The following ECE1 variants were observed in gnomAD, a reference collection of about 807,000 sequenced individuals.
ECE1 encodes the protein endothelin-converting enzyme 1.
A neutral mutation model predicts 98.6 loss-of-function variants in ECE1; 35 were observed. The observed-to-expected ratio is 0.35, with a 90% CI of 0.27 to 0.47. ECE1 has a LOEUF of 0.47. Ranked by LOEUF, ECE1 falls within the 20% of genes least tolerant of loss-of-function variation. The probability of loss-of-function intolerance (pLI) is 1.00; values close to 1 mark genes in which losing one functional copy is unlikely to be tolerated. For synonymous variants in ECE1, 394 were observed against 407.1 expected (o/e 0.97, Z 0.39); for missense variants, 814 against 1,025.3 (o/e 0.79, Z 2.81).
intron 1 of ECE1, among the ~76,000 whole-genome samples, chr1:21,342,941 A>C (rs1639430304): frequency 6.6e-6 from 1 of 152,152 alleles, no homozygotes; most frequent in South Asian, 2.1e-4. Flanking sequence ...TGGCCCCAGC[A>C]ACCTTTTTGC....
rs377063170 is a variant in ECE1 at position 21,328,072 on chromosome 1, C to T, written c.3+17304G>A. 1.2e-4 allele frequency among the ~76,000 whole-genome samples: 18 copies of T among 152,290 alleles called. No individual in the cohort carries two copies. In the South Asian group the frequency reaches 3.7e-3, roughly 32 times the overall value. On this transcript the variant is annotated intron_variant, in intron 1 of 18. Transcript: ENST00000415912. ...ACCCTGTCCATGGAAAAATTGTCTT[C>T]CACGAAGCCTGGCACCAAAAAGGTT... is the stretch of plus-strand genomic sequence containing the variant.
rs1558411227 is a variant in ECE1 at position 21,281,595 on chromosome 1, C to T, written c.139-2263G>A. Among the ~76,000 whole-genome samples, 3 of 152,280 alleles carry T rather than the reference C, an allele frequency of 2.0e-5. No homozygotes were observed. The East Asian group carries it at 5.8e-4, about 29-fold the overall frequency. On this transcript the variant is annotated intron_variant, in intron 2 of 18. Transcript: ENST00000374893. ...GACACTGACGTATGTGTCCTGCTGC[C>T]CCTAATTTGTTTCATCCTTCCTCCT...
In ECE1 at chr1:21,233,684, A is replaced by T. The variant is rs766701455; in HGVS notation, c.1567-23T>A. 6.2e-7 allele frequency: 1 copy of T among 1,606,666 alleles called. No individual in the cohort carries two copies. Among genetic ancestry groups the T allele is most frequent in the Admixed American group, 1.7e-5 (1 of 59,948 alleles). ...GTACTAGAAAAGAAGAAGTGGAGTC[A>T]ATCACAGTGTGCCCTCGGTGGTGTG... On this transcript the variant is annotated intron_variant, in intron 13 of 18. Transcript: ENST00000374893. The surrounding 1 kb of genome is among the most constrained non-coding windows in gnomAD (Gnocchi z 4.0).
At chr1:21,320,453 G>A (rs1051460160) in intron 1 of ECE1, among the ~76,000 whole-genome samples, 1 of 152,314 alleles carries the variant, frequency 6.6e-6, no homozygotes, top group South Asian at 2.1e-4. Flanking sequence ...ATGAGTAATT[G>A]AAGAGTTTGG....
At chr1:21,289,059 T>C (rs1275230232) in intron 2 of ECE1, among the ~76,000 whole-genome samples, 1 of 152,144 alleles carries the variant, frequency 6.6e-6, no homozygotes, top group Non-Finnish European at 1.5e-5. Flanking sequence ...CTAAGAGGCG[T>C]ATCTGAGTGG....
intron 10 of ECE1, among the ~76,000 whole-genome samples, chr1:21,244,607 G>A (rs541474969): frequency 6.6e-6 from 1 of 152,290 alleles, no homozygotes; most frequent in East Asian, 1.9e-4. Flanking sequence ...TACAAACTGG[G>A]AGGAAAATAA....
chr1:21,226,220 G>C (rs1282369725), intron 16 of ECE1, among the ~76,000 whole-genome samples: 1 of 152,176 alleles, frequency 6.6e-6, no homozygotes, highest in Non-Finnish European at 1.5e-5. Flanking sequence ...AGTTGGACTG[G>C]AGAAGTCTCT....
At chr1:21,281,917 G>A (rs932933715) in intron 2 of ECE1, among the ~76,000 whole-genome samples, 3 of 152,136 alleles carry the variant, frequency 2.0e-5, no homozygotes, top group African/African-American at 4.8e-5. Flanking sequence ...GGCTGATCTC[G>A]AACTCCTAAC....
chr1:21,278,796 A>T (rs753491288), intron 3 of ECE1, among the ~76,000 whole-genome samples: 9 of 152,298 alleles, frequency 5.9e-5, no homozygotes, highest in East Asian at 3.9e-4. Flanking sequence ...TTCTAGCAAC[A>T]ACAGTACCCA....
intron 17 of ECE1, among the ~76,000 whole-genome samples, chr1:21,223,409 C>A (rs2098169915): frequency 1.3e-5 from 2 of 152,182 alleles, no homozygotes; most frequent in African/African-American, 4.8e-5. Context: ...ATGCCTCAGC[C>A]TCCCAAGTAG....
At chr1:21,309,483 T>C (rs1638669722) in intron 1 of ECE1, among the ~76,000 whole-genome samples, 1 of 152,200 alleles carries the variant, frequency 6.6e-6, no homozygotes, top group Admixed American at 6.5e-5. Flanking sequence ...CTGGCTTGGT[T>C]GGGTGAATGA....
chr1:21,288,985 T>C (rs371085553), intron 2 of ECE1, among the ~76,000 whole-genome samples: 2 of 152,204 alleles, frequency 1.3e-5, no homozygotes, highest in Non-Finnish European at 2.9e-5. Context: ...CCTGGGCCTA[T>C]GTGACCCTGG....
chr1:21,285,647 G>GCC (rs1346935976), intron 2 of ECE1, among the ~76,000 whole-genome samples: 1 of 141,320 alleles, frequency 7.1e-6, no homozygotes, highest in African/African-American at 2.7e-5. Flanking sequence ...CCATGATCAC[G>GCC]CCACTGCACT....
At chr1:21,291,410 G>C (rs1392520510), upstream of ECE1, among the ~76,000 whole-genome samples, 1 of 152,256 alleles carries the variant, frequency 6.6e-6, no homozygotes, top group East Asian at 1.9e-4. Context: ...AACAGGTTTA[G>C]AGGGGTGAGG....
At chr1:21,315,165 G>A (rs544455987) in intron 1 of ECE1, among the ~76,000 whole-genome samples, 34 of 152,344 alleles carry the variant, frequency 2.2e-4, no homozygotes, top group African/African-American at 8.2e-4. Context: ...GGGGTGATAA[G>A]GCTCAGAAAG....
At chr1:21,223,097 C>T (rs1364630382) in intron 17 of ECE1, among the ~76,000 whole-genome samples, 1 of 151,342 alleles carries the variant, frequency 6.6e-6, no homozygotes, top group Non-Finnish European at 1.5e-5. Context: ...ACCTCAGCCT[C>T]CTGAGTAACT....
At chr1:21,331,219 A>T (rs546252469) in intron 1 of ECE1, among the ~76,000 whole-genome samples, 3 of 152,084 alleles carry the variant, frequency 2.0e-5, no homozygotes, top group Non-Finnish European at 4.4e-5. Flanking sequence ...CCTGGCCAAC[A>T]TGGTGAAACC....
intron 3 of ECE1, among the ~76,000 whole-genome samples, chr1:21,278,537 A>C (rs903962525): frequency 6.6e-6 from 1 of 152,222 alleles, no homozygotes; most frequent in African/African-American, 2.4e-5. Flanking sequence ...GGTGAATTCC[A>C]ACTTCCGCAT....
chr1:21,304,315 CAA>C (rs71014183), intron 1 of ECE1, among the ~76,000 whole-genome samples: 1 of 48,640 alleles, frequency 2.1e-5, no homozygotes, highest in Admixed American at 2.6e-4. Context: ...GACTCCCTCT[CAA>C]AAAAAAAAAA....
Sources: gnomAD v4.1 joint callset for allele counts (sites outside exome capture counted in the v4.1 genomes callset) on GRCh38, gnomAD v4.1.1 for gene constraint, Gnocchi (gnomAD v3.1) non-coding constraint, MANE v1.5 for transcripts, NCBI Gene and HGNC (gene_info 2026-07-23, HGNC 2026-07-21) for gene names.